Variants in MARK1 observed in about 807,000 individuals in gnomAD.
MARK1 encodes the protein serine/threonine-protein kinase MARK1.
MARK1 carries 40 observed loss-of-function variants against 96.3 expected under a neutral mutation model. The observed-to-expected ratio is 0.42, with a 90% CI of 0.32 to 0.54. The LOEUF is 0.54. Among genes scored for constraint, MARK1 ranks in the 20% least tolerant of loss-of-function variants. The pLI, the probability that MARK1 is intolerant of heterozygous loss-of-function variation, is 0.16. For missense variants in MARK1, 719 were observed against 984.6 expected, an observed-to-expected ratio of 0.73 and a Z score of 3.61; for synonymous variants, 317 against 341.2, an observed-to-expected ratio of 0.93 and a Z score of 0.78.
Position 220,528,847 on chromosome 1 carries a change from A to G in MARK1, c.25A>G (p.Thr9Ala), listed in dbSNP as rs1382978714. Reference sequence around the variant, plus strand: ...AATGTCGGCCCGGACGCCATTGCCGACGGTGAACGAGCGGGACACGGAAAA... The same window carrying G: ...AATGTCGGCCCGGACGCCATTGCCGGCGGTGAACGAGCGGGACACGGAAAA... Reference protein sequence around the residue: MSARTPLPTVNERDTENHT... With the variant: MSARTPLPAVNERDTENHT... The change falls in exon 1 of 18, where the codon ACG (threonine) becomes GCG (alanine). Residue 9 changes from threonine to alanine, a missense_variant. Transcript: ENST00000366917. 1.3e-6 allele frequency: 2 copies of G among 1,570,402 alleles called. No homozygotes were observed. Among genetic ancestry groups the G allele is most frequent in the Admixed American group, 1.8e-5 (1 of 55,234 alleles).
At chr1:220,640,747 C>T (rs990365510) in intron 13 of MARK1, among the ~76,000 whole-genome samples, 1 of 152,146 alleles carries the variant, frequency 6.6e-6, no homozygotes, top group African/African-American at 2.4e-5. Context: ...GTCAAGAGGG[C>T]ACATGCAAGA....
At chr1:220,651,890 C>T in intron 14 of MARK1, 96 bp from the exon 15 acceptor site, 3 of 890,870 alleles carry the variant, frequency 3.4e-6, no homozygotes, top group Non-Finnish European at 5.0e-6. Context: ...AGGTGTTAGT[C>T]AGTTTAGATT....
At chr1:220,626,644 A>G in intron 9 of MARK1, 2 of 354,680 alleles carry the variant, frequency 5.6e-6, no homozygotes, top group South Asian at 4.6e-5. Flanking sequence ...CAACATGGTG[A>G]AACCCCGCAT....
chr1:220,607,641 T>C (rs1666164353), intron 6 of MARK1, among the ~76,000 whole-genome samples: 1 of 152,000 alleles, frequency 6.6e-6, no homozygotes, highest in Non-Finnish European at 1.5e-5. Flanking sequence ...CCATTGAGTA[T>C]GGGGAATGCT....
rs1415710154 is a variant in MARK1, at chr1:220,556,495, A to AC, written c.52-22859_52-22858insC. ...CCCATGGGACTGTCACAAAAAAAAA[A>AC]AAAAAAAAAAACAAATTACAGATTT... On this transcript the variant is annotated intron_variant, in intron 1 of 17. Transcript: ENST00000366917. 1.2e-4 allele frequency among the ~76,000 whole-genome samples: 17 copies of AC among 147,752 alleles called. 1 individual carries two copies. The highest frequency in any genetic ancestry group is 2.3e-4 in the Non-Finnish European group (15 of 66,552).
intron 17 of MARK1, 96 bp from the exon 18 acceptor site, chr1:220,661,716 C>A: frequency 1.2e-6 from 1 of 857,778 alleles, no homozygotes; most frequent in South Asian, 1.8e-5. Context: ...TGTTATTAGG[C>A]ACTGAACTAT....
intron 1 of MARK1, among the ~76,000 whole-genome samples, chr1:220,577,452 T>C (rs958399957): frequency 1.3e-5 from 2 of 152,246 alleles, no homozygotes; most frequent in African/African-American, 2.4e-5. Flanking sequence ...CAAGAGCCAG[T>C]GAATAACTTT....
chr1:220,642,328 G>A (rs776018869), intron 13 of MARK1, among the ~76,000 whole-genome samples: 11 of 152,202 alleles, frequency 7.2e-5, no homozygotes, highest in Non-Finnish European at 1.5e-4. Context: ...GGTTTGGACT[G>A]GGCTGTATTC....
intron 1 of MARK1, among the ~76,000 whole-genome samples, chr1:220,538,951 G>T (rs1359571893): frequency 2.6e-5 from 4 of 151,324 alleles, no homozygotes; most frequent in African/African-American, 4.9e-5. Context: ...TTGCTTATCA[G>T]CTTAAGGAGA....
chr1:220,581,110 C>A lies in MARK1; in HGVS notation c.301C>A (p.Leu101Ile). Residue 101 changes from leucine (L) to isoleucine (I), a missense_variant, in exon 3 of 18, where the codon CTA becomes ATA. Around this residue, in one of 4 missense-constraint regions of MARK1, gnomAD observed 105 missense variants for 133.4 expected, o/e 0.79. Coordinates refer to ENST00000366917, the MANE Select transcript of MARK1 (RefSeq NM_018650.5). The stretch of plus-strand genomic sequence containing the variant: ...CAAAACTCAGCTAAATCCTACCAGT[C>A]TACAAAAGGTATTTAATTAATTTAA... ...IDKTQLNPTS[L>I]QKLFREVRIM... 1.6e-6 allele frequency: 2 copies of A among 1,218,160 alleles called. No individual in the cohort carries two copies. Among genetic ancestry groups the A allele is most frequent in the South Asian group, 4.7e-5 (2 of 42,684 alleles). The allele number at this position is 1,218,160 out of a possible 1,614,324, so 75.5% of individuals were successfully genotyped here.
At chr1:220,554,459 T>C (rs770097260) in intron 1 of MARK1, among the ~76,000 whole-genome samples, 1 of 152,178 alleles carries the variant, frequency 6.6e-6, no homozygotes, top group Non-Finnish European at 1.5e-5. Context: ...GCTGTTACAC[T>C]TCTTATAATG....
intron 1 of MARK1, among the ~76,000 whole-genome samples, chr1:220,536,367 T>C (rs1660682614): frequency 6.6e-6 from 1 of 152,000 alleles, no homozygotes; most frequent in Non-Finnish European, 1.5e-5. Flanking sequence ...ACCTTTGTTT[T>C]CTACCACTGA....
At chr1:220,584,168 T>C (rs1389441959) in intron 3 of MARK1, among the ~76,000 whole-genome samples, 1 of 152,206 alleles carries the variant, frequency 6.6e-6, no homozygotes, top group Non-Finnish European at 1.5e-5. Flanking sequence ...GAGTGCAGTT[T>C]ATCTCTGCTA....
intron 6 of MARK1, among the ~76,000 whole-genome samples, chr1:220,615,457 A>G (rs956485435): frequency 1.3e-5 from 2 of 152,194 alleles, no homozygotes; most frequent in Non-Finnish European, 2.9e-5. Context: ...TAAATACCTC[A>G]TTGTTAAGTT....
intron 3 of MARK1, among the ~76,000 whole-genome samples, chr1:220,581,923 G>A (rs747282380): frequency 3.3e-5 from 5 of 152,190 alleles, no homozygotes; most frequent in Non-Finnish European, 4.4e-5. Flanking sequence ...TGATAGGTTT[G>A]TATAGAGTGA....
intron 3 of MARK1, among the ~76,000 whole-genome samples, chr1:220,589,170 C>T (rs551942439): frequency 6.6e-6 from 1 of 152,228 alleles, no homozygotes; most frequent in East Asian, 1.9e-4. Flanking sequence ...TTGATGAGAC[C>T]AAGGGCAACT....
At position 220,662,304 on chromosome 1, in the gene MARK1, A is replaced by G. The variant is rs544515482; in HGVS notation, c.*138A>G. On this transcript the variant is annotated 3_prime_UTR_variant, in exon 18 of 18. Coordinates refer to ENST00000366917, the MANE Select transcript of MARK1 (RefSeq NM_018650.5). Reference sequence around the variant, plus strand: ...TGCCCTTAATGCAATAAGGTTATACATAGTTATGAACTGTAAAATTAAAGT... The same window carrying G: ...TGCCCTTAATGCAATAAGGTTATACGTAGTTATGAACTGTAAAATTAAAGT... 10 of 630,358 alleles carry G rather than the reference A, an allele frequency of 1.6e-5. No individual in the cohort carries two copies. The highest frequency in any genetic ancestry group is 2.2e-5 in the Non-Finnish European group (8 of 364,466). The allele number at this position is 630,358 out of a possible 1,614,324, so 39.0% of individuals were successfully genotyped here.
At chr1:220,607,341 A>C (rs535164013) in intron 6 of MARK1, among the ~76,000 whole-genome samples, 1 of 152,240 alleles carries the variant, frequency 6.6e-6, no homozygotes, top group African/African-American at 2.4e-5. Flanking sequence ...ATTGGTGTAT[A>C]GGAATGCTTG....
At chr1:220,598,273 G>A in intron 3 of MARK1, 58 bp from the exon 4 acceptor site, 1 of 505,270 alleles carries the variant, frequency 2.0e-6, no homozygotes. Flanking sequence ...ATTTTAATTG[G>A]CTCTCTGCTT....
Sources: gnomAD v4.1 joint callset for allele counts (sites outside exome capture counted in the v4.1 genomes callset) on GRCh38, gnomAD v4.1.1 for gene constraint, gnomAD v4.1.1 regional missense constraint, MANE v1.5 for transcripts, NCBI Gene and HGNC (gene_info 2026-07-23, HGNC 2026-07-21) for gene names.